Variants in RASGRF2 observed in about 807,000 individuals in gnomAD.
RASGRF2 encodes Ras protein specific guanine nucleotide releasing factor 2, also known as ras-specific guanine nucleotide-releasing factor 2.
In RASGRF2, 76 loss-of-function variants were observed where a neutral mutation model predicts 151.0. That is an observed-to-expected ratio of 0.50 (90% CI 0.42 to 0.61). The LOEUF (loss-of-function observed/expected upper bound fraction) is 0.61. RASGRF2 is among the 20% of genes least tolerant of loss of function. The pLI is 0.00. For synonymous variants in RASGRF2, 504 were observed against 566.5 expected (o/e 0.89, Z 1.57); for missense variants, 1,148 against 1,564.6 (o/e 0.73, Z 4.49).
chr5:81,197,297 A>G (rs375507731), intron 18 of RASGRF2, among the ~76,000 whole-genome samples: 1 of 151,306 alleles, frequency 6.6e-6, no homozygotes, highest in African/African-American at 2.4e-5. Context: ...TCTACTAAAA[A>G]TACAAAAAAT....
chr5:80,995,475 C>T (rs1425210342), intron 1 of RASGRF2, among the ~76,000 whole-genome samples: 2 of 151,136 alleles, frequency 1.3e-5, no homozygotes, highest in Non-Finnish European at 2.9e-5. Flanking sequence ...AGCTTTTATA[C>T]GTGGTAACAA....
At chr5:81,036,496 T>C (rs1158143823) in intron 1 of RASGRF2, among the ~76,000 whole-genome samples, 3 of 152,178 alleles carry the variant, frequency 2.0e-5, no homozygotes, top group African/African-American at 4.8e-5. Context: ...TAGATAAGTT[T>C]ATGTTTTCTT....
At position 81,062,432 on chromosome 5, in the gene RASGRF2, A is replaced by G. The variant is rs543423938; in HGVS notation, c.396-5600A>G. Among the ~76,000 whole-genome samples the G allele has an allele frequency of 2.0e-5, 3 of 152,204 alleles. No individual in the cohort carries two copies. In the East Asian group the frequency reaches 5.8e-4, roughly 29 times the overall value. On this transcript the variant is annotated intron_variant, in intron 2 of 26. Coordinates refer to ENST00000265080, the MANE Select transcript of RASGRF2 (RefSeq NM_006909.3). ...GACAGTATGTATTGTCTCTGCTAGG[A>G]AAAATAAGTATAATAAGTTAAGACA...
chr5:80,971,308 C>T (rs1291754141), intron 1 of RASGRF2, among the ~76,000 whole-genome samples: 1 of 152,186 alleles, frequency 6.6e-6, no homozygotes, highest in East Asian at 1.9e-4. Context: ...TTTTGAACTT[C>T]CTATTCACAG....
intron 2 of RASGRF2, among the ~76,000 whole-genome samples, chr5:81,064,910 A>G (rs1751551801): frequency 6.6e-6 from 1 of 152,212 alleles, no homozygotes. Context: ...AAATCAGTTA[A>G]TATTGAGTTA....
At chr5:81,070,230 G>A in intron 3 of RASGRF2, 1 of 373,740 alleles carries the variant, frequency 2.7e-6, no homozygotes, top group Non-Finnish European at 5.1e-6. Flanking sequence ...CTGGGGCTGA[G>A]TTTTGGGCCA....
At chr5:81,203,566 A>G (rs1755442317) in intron 19 of RASGRF2, among the ~76,000 whole-genome samples, 2 of 152,224 alleles carry the variant, frequency 1.3e-5, no homozygotes, top group African/African-American at 4.8e-5. Flanking sequence ...TAAGATTGAT[A>G]GGGAACAGAA....
chr5:81,114,285 C>T (rs1051339372), intron 15 of RASGRF2, among the ~76,000 whole-genome samples: 2 of 152,202 alleles, frequency 1.3e-5, no homozygotes, highest in Non-Finnish European at 2.9e-5. Context: ...GGTACCCTCA[C>T]CCGTGAGCTC....
chr5:81,118,385 A>G (rs1297230262), intron 15 of RASGRF2, among the ~76,000 whole-genome samples: 3 of 152,250 alleles, frequency 2.0e-5, no homozygotes, highest in African/African-American at 7.2e-5. Context: ...GGCCACAGCT[A>G]GTGTGGCTGA....
At chr5:81,080,903 A>C in intron 7 of RASGRF2, 114 bp downstream of exon 7, 1 of 917,438 alleles carries the variant, frequency 1.1e-6, no homozygotes, top group Non-Finnish European at 1.7e-6. Context: ...TATGGCACAG[A>C]TGTACCATCT....
intron 17 of RASGRF2, among the ~76,000 whole-genome samples, chr5:81,174,142 A>G (rs200816425): frequency 6.6e-6 from 1 of 152,244 alleles, no homozygotes; most frequent in East Asian, 1.9e-4. Context: ...AGAAAAACCA[A>G]GGAGAGACAA....
chr5:81,002,178 C>T (rs1448165081), intron 1 of RASGRF2, among the ~76,000 whole-genome samples: 1 of 152,140 alleles, frequency 6.6e-6, no homozygotes, highest in African/African-American at 2.4e-5. Context: ...GTAAAGATAG[C>T]ATATTTAGCA....
chr5:81,088,277 C>T (rs930845305), intron 9 of RASGRF2: 7 of 152,280 alleles, frequency 4.6e-5, no homozygotes, highest in Non-Finnish European at 8.8e-5. Flanking sequence ...TTCTGCTTGT[C>T]CCACCAGGCT....
At chr5:81,216,419 A>G (rs1293768035) in intron 24 of RASGRF2, among the ~76,000 whole-genome samples, 1 of 151,760 alleles carries the variant, frequency 6.6e-6, no homozygotes, top group Non-Finnish European at 1.5e-5. Flanking sequence ...AGAGAGTTTG[A>G]GATTCTCCTG....
chr5:81,076,096 G>A (rs1483285390), intron 5 of RASGRF2, among the ~76,000 whole-genome samples: 1 of 152,162 alleles, frequency 6.6e-6, no homozygotes, highest in African/African-American at 2.4e-5. Context: ...ATTGACCATG[G>A]GTTTAACAAC....
intron 7 of RASGRF2, among the ~76,000 whole-genome samples, chr5:81,082,349 C>T (rs890563148): frequency 3.9e-5 from 6 of 152,194 alleles, no homozygotes; most frequent in African/African-American, 1.4e-4. Context: ...TCTCCCACCA[C>T]CCTGCCCTTC....
rs1397852316 is a variant in RASGRF2, at chr5:81,025,996, TTCCTTCCTTTCTTCCTTCCC to T, written c.289-16871_289-16852del. On this transcript the variant is annotated intron_variant, in intron 1 of 26. Coordinates refer to ENST00000265080, the MANE Select transcript of RASGRF2 (RefSeq NM_006909.3). ...CTTCCCTCTTCCCTCCCTCCCTCCC[TTCCTTCCTTTCTTCCTTCCC>T]TCCTTCCTTCCATCCTTCCCTCCTT... Among the ~76,000 whole-genome samples the T allele has an allele frequency of 2.9e-4, 28 of 95,512 alleles. No individual in the cohort carries two copies. In the Middle Eastern group the frequency reaches 0.024, roughly 82 times the overall value. 62.7% of individuals were successfully genotyped at this position (95,512 alleles called of 152,430 possible). A position where few individuals can be genotyped will look rare whatever the true frequency, so the allele number is the denominator to read the frequency against.
intron 1 of RASGRF2, among the ~76,000 whole-genome samples, chr5:81,021,803 A>G (rs1178455770): frequency 2.6e-5 from 4 of 152,170 alleles, no homozygotes; most frequent in South Asian, 4.1e-4. Context: ...AGGGTGGCCA[A>G]TGAGGAGATG....
chr5:81,112,827 T>C lies in RASGRF2; in HGVS notation c.2056T>C (p.Tyr686His), dbSNP rs762597084. ...AVVLGKLSDI[Y>H]KRPFTSIPVR... ...GGTGCTGGGGAAACTCTCCGACATA[T>C]ACAAGAGGCCTTTCACCTCCATCCC... Residue 686 changes from tyrosine to histidine, a missense_variant, in exon 14 of 27, where the codon TAC (tyrosine) becomes CAC (histidine). Physicochemically the swap from Tyr to His is moderately conservative, Grantham distance 83 (BLOSUM62 2). Around this residue, in one of 5 missense-constraint regions of RASGRF2, gnomAD observed 646 missense variants for 807.4 expected, o/e 0.80. Transcript: ENST00000265080. 20 of 1,614,092 alleles carry C rather than the reference T, an allele frequency of 1.2e-5. No homozygotes were observed. The African/African-American group carries it at 1.9e-4, about 15-fold the overall frequency.
Sources: gnomAD v4.1 joint callset for allele counts (sites outside exome capture counted in the v4.1 genomes callset) on GRCh38, gnomAD v4.1.1 for gene constraint, gnomAD v4.1.1 regional missense constraint, MANE v1.5 for transcripts, NCBI Gene and HGNC (gene_info 2026-07-23, HGNC 2026-07-21) for gene names.